Variants in KCTD16 observed in about 807,000 individuals in gnomAD.
The protein encoded by KCTD16 is BTB/POZ domain-containing protein KCTD16.
Under a neutral mutation model 33.2 loss-of-function variants are expected in KCTD16, and 13 were observed. That is an observed-to-expected ratio of 0.39 (90% CI 0.25 to 0.62). The LOEUF (loss-of-function observed/expected upper bound fraction) is 0.62, where lower values mean the gene tolerates loss of function less well. Among genes scored for constraint, KCTD16 ranks in the 20% least tolerant of loss-of-function variants. The pLI, the probability that KCTD16 is intolerant of heterozygous loss-of-function variation, is 0.50. For missense variants in KCTD16, 441 were observed against 525.1 expected (o/e 0.84, Z 1.57); for synonymous variants, 197 against 195.3 (o/e 1.01, Z -0.07).
At chr5:144,360,063 A>T (rs1012984823) in intron 3 of KCTD16, among the ~76,000 whole-genome samples, 1 of 152,168 alleles carries the variant, frequency 6.6e-6, no homozygotes, top group African/African-American at 2.4e-5. Flanking sequence ...TACTGTGTAA[A>T]TGTGAACAGA....
intron 3 of KCTD16, among the ~76,000 whole-genome samples, chr5:144,376,575 C>T (rs926336434): frequency 1.2e-4 from 18 of 152,058 alleles, no homozygotes; most frequent in African/African-American, 1.7e-4. Context: ...AGGGAAAGGA[C>T]GGGGTGAGAA....
chr5:144,371,694 A>G (rs1751970004), intron 3 of KCTD16, among the ~76,000 whole-genome samples: 1 of 152,006 alleles, frequency 6.6e-6, no homozygotes, highest in African/African-American at 2.4e-5. Context: ...AAAAACTCTA[A>G]GAAAATTAAC....
chr5:144,299,137 T>TC (rs1751333528), intron 3 of KCTD16, among the ~76,000 whole-genome samples: 1 of 33,482 alleles, frequency 3.0e-5, no homozygotes, highest in Non-Finnish European at 4.6e-5. Context: ...TATATATATA[T>TC]ATATATATAT....
At chr5:144,367,949 C>A (rs534552235) in intron 3 of KCTD16, among the ~76,000 whole-genome samples, 1 of 151,602 alleles carries the variant, frequency 6.6e-6, no homozygotes, top group East Asian at 1.9e-4. Context: ...ATATTAAACT[C>A]TTCTGATACG....
At chr5:144,321,236 G>A (rs753116707) in intron 3 of KCTD16, among the ~76,000 whole-genome samples, 3 of 152,130 alleles carry the variant, frequency 2.0e-5, no homozygotes, top group Middle Eastern at 3.4e-3. Context: ...AAACTGTAAG[G>A]TTCTTTGGAA....
intron 3 of KCTD16, among the ~76,000 whole-genome samples, chr5:144,372,602 A>T (rs77159976): frequency 1.8e-4 from 27 of 152,240 alleles, no homozygotes; most frequent in African/African-American, 6.3e-4. Flanking sequence ...TTTACAGAGG[A>T]GGCAACTCCT....
chr5:144,394,867 C>G (rs1405485452), intron 3 of KCTD16, among the ~76,000 whole-genome samples: 1 of 152,202 alleles, frequency 6.6e-6, no homozygotes, highest in Non-Finnish European at 1.5e-5. Flanking sequence ...AAAAATTACC[C>G]AGTCTTTGAC....
chr5:144,288,120 A>G (rs573189651), intron 3 of KCTD16, among the ~76,000 whole-genome samples: 17 of 152,266 alleles, frequency 1.1e-4, no homozygotes, highest in African/African-American at 3.4e-4. Flanking sequence ...TTCAAAATTT[A>G]CAGTTTCAAA....
chr5:144,260,162 G>GA (rs1296394248), intron 3 of KCTD16, among the ~76,000 whole-genome samples: 1 of 152,186 alleles, frequency 6.6e-6, no homozygotes, highest in African/African-American at 2.4e-5. Context: ...GAGCAGACAA[G>GA]AAAAAGTCCT....
intron 3 of KCTD16, among the ~76,000 whole-genome samples, chr5:144,312,641 G>T (rs908792717): frequency 2.0e-5 from 3 of 152,230 alleles, no homozygotes; most frequent in Admixed American, 1.3e-4. Context: ...AAAAGGAGAA[G>T]AGGAAATTCT....
At chr5:144,434,977 G>A (rs1753543135) in intron 3 of KCTD16, among the ~76,000 whole-genome samples, 1 of 152,162 alleles carries the variant, frequency 6.6e-6, no homozygotes, top group African/African-American at 2.4e-5. Context: ...GAAGAGGAAG[G>A]CGCATGAGGA....
At chr5:144,403,199 C>A (rs117704496) in intron 3 of KCTD16, among the ~76,000 whole-genome samples, 3 of 152,160 alleles carry the variant, frequency 2.0e-5, no homozygotes, top group Non-Finnish European at 4.4e-5. Context: ...CTTTTAACCA[C>A]ATGTTGTTGA....
At position 144,227,600 on chromosome 5, in the gene KCTD16, T is replaced by C. The variant is rs182005916; in HGVS notation, c.832+20054T>C. Reference sequence around the variant, plus strand: ...CTGCCTGCCAAATGATGTCAGAAATTTGACATATATTTTAACAAGCTGCTG... The same window carrying C: ...CTGCCTGCCAAATGATGTCAGAAATCTGACATATATTTTAACAAGCTGCTG... On this transcript the variant is annotated intron_variant, in intron 3 of 3. Coordinates refer to ENST00000512467, the MANE Select transcript of KCTD16 (RefSeq NM_020768.4). Among the ~76,000 whole-genome samples the C allele has an allele frequency of 2.0e-3, 311 of 152,288 alleles. 2 individuals carry two copies. The highest frequency in any genetic ancestry group is 0.012 in the South Asian group (60 of 4,824).
chr5:144,346,688 A>G (rs997840633), intron 3 of KCTD16, among the ~76,000 whole-genome samples: 13 of 152,086 alleles, frequency 8.5e-5, no homozygotes, highest in African/African-American at 2.7e-4. Context: ...TCTTTTGACC[A>G]TTTTTGATTG....
intron 1 of KCTD16, among the ~76,000 whole-genome samples, chr5:144,171,304 G>A (rs906741054): frequency 4.6e-5 from 7 of 152,182 alleles, no homozygotes; most frequent in African/African-American, 1.7e-4. Flanking sequence ...ATCAAAGGGT[G>A]AGTGGGAGTT....
intron 2 of KCTD16, among the ~76,000 whole-genome samples, chr5:144,199,707 ATTTTTTTTTT>A (rs574670606): frequency 1.6e-4 from 11 of 67,724 alleles, no homozygotes; most frequent in South Asian, 5.2e-4. Flanking sequence ...GAACAGCTTC[ATTTTTTTTTT>A]TTTTTTTTTT....
At chr5:144,384,322 G>T (rs1752278402) in intron 3 of KCTD16, 8 of 152,138 alleles carry the variant, frequency 5.3e-5, no homozygotes, top group Admixed American at 5.2e-4. Context: ...GATAGAACTG[G>T]AGGCTAAGGA....
chr5:144,363,444 A>C (rs1194262196), intron 3 of KCTD16, among the ~76,000 whole-genome samples: 1 of 152,050 alleles, frequency 6.6e-6, no homozygotes, highest in African/African-American at 2.4e-5. Flanking sequence ...TATCTGATTT[A>C]TCTCATCACC....
At chr5:144,296,425 G>T (rs916611849) in intron 3 of KCTD16, among the ~76,000 whole-genome samples, 6 of 152,156 alleles carry the variant, frequency 3.9e-5, no homozygotes, top group African/African-American at 1.2e-4. Context: ...AGAGCATTTG[G>T]CAATCAAGAC....
Sources: allele counts gnomAD v4.1 joint callset (sites outside exome capture counted in the v4.1 genomes callset), GRCh38; gene constraint gnomAD v4.1.1; transcripts MANE v1.5; gene names NCBI Gene and HGNC (gene_info 2026-07-23, HGNC 2026-07-21).